Variants in CCDC85A observed in about 807,000 individuals in gnomAD.
CCDC85A encodes the protein coiled-coil domain-containing protein 85A.
In CCDC85A, 38 loss-of-function variants were observed where a neutral mutation model predicts 50.2. The observed-to-expected ratio is 0.76, with a 90% CI of 0.58 to 0.99. The LOEUF (loss-of-function observed/expected upper bound fraction) is 0.99, where lower values mean the gene tolerates loss of function less well. Among genes scored for constraint, CCDC85A ranks in the 50% least tolerant of loss-of-function variants. The pLI, the probability that CCDC85A is intolerant of heterozygous loss-of-function variation, is 0.00. For synonymous variants in CCDC85A, 366 were observed against 301.4 expected (o/e 1.21, Z -2.22); for missense variants, 820 against 742.0 (o/e 1.11, Z -1.22).
At chr2:56,186,331 G>T (rs1438834912) in intron 1 of CCDC85A, among the ~76,000 whole-genome samples, 1 of 152,190 alleles carries the variant, frequency 6.6e-6, no homozygotes, top group Non-Finnish European at 1.5e-5. Context: ...AACCTCATTT[G>T]CCAGGAGGGT....
chr2:56,203,101 A>G (rs918586396), intron 2 of CCDC85A, among the ~76,000 whole-genome samples: 1 of 152,218 alleles, frequency 6.6e-6, no homozygotes, highest in African/African-American at 2.4e-5. Flanking sequence ...TTGGCAGGGC[A>G]GTCCTCTTCA....
At chr2:56,238,815 T>C (rs112903444) in intron 2 of CCDC85A, among the ~76,000 whole-genome samples, 28 of 152,286 alleles carry the variant, frequency 1.8e-4, no homozygotes, top group Non-Finnish European at 2.1e-4. Flanking sequence ...TATGTATGTA[T>C]GTGTTTATTT....
intron 2 of CCDC85A, among the ~76,000 whole-genome samples, chr2:56,307,496 T>C (rs9808384): frequency 0.052 from 7,930 of 152,210 alleles, 678 homozygotes; most frequent in African/African-American, 0.18. Flanking sequence ...AGTAAATGGT[T>C]CTTTTTTGCA....
chr2:56,270,430 A>G (rs1175288551), intron 2 of CCDC85A, among the ~76,000 whole-genome samples: 1 of 152,202 alleles, frequency 6.6e-6, no homozygotes, highest in Non-Finnish European at 1.5e-5. Context: ...ATAATATGCC[A>G]AAGAAAAGCT....
At chr2:56,191,172 C>T (rs1217724871) in intron 1 of CCDC85A, among the ~76,000 whole-genome samples, 1 of 152,192 alleles carries the variant, frequency 6.6e-6, no homozygotes, top group Non-Finnish European at 1.5e-5. Context: ...CAAATGTTTC[C>T]CTTCTCTGTA....
intron 2 of CCDC85A, among the ~76,000 whole-genome samples, chr2:56,313,135 A>G (rs901659718): frequency 6.6e-6 from 1 of 152,118 alleles, no homozygotes; most frequent in Non-Finnish European, 1.5e-5. Context: ...TGTCCTGAAC[A>G]TTCATGGCTG....
intron 5 of CCDC85A, among the ~76,000 whole-genome samples, chr2:56,379,370 T>A (rs1482436001): frequency 6.6e-6 from 1 of 152,184 alleles, no homozygotes; most frequent in Non-Finnish European, 1.5e-5. Context: ...ATTTGGACCA[T>A]TTGGCACATA....
intron 2 of CCDC85A, among the ~76,000 whole-genome samples, chr2:56,230,056 A>T (rs907036250): frequency 6.6e-6 from 1 of 152,146 alleles, no homozygotes; most frequent in Non-Finnish European, 1.5e-5. Flanking sequence ...TGCTGGGCCA[A>T]TTTTGGGCAG....
At chr2:56,316,985 T>G (rs1376686777) in intron 2 of CCDC85A, among the ~76,000 whole-genome samples, 1 of 152,144 alleles carries the variant, frequency 6.6e-6, no homozygotes, top group Non-Finnish European at 1.5e-5. Context: ...ACGATTTTTC[T>G]TCTATTTTCT....
At chr2:56,358,906 T>G (rs1292686078) in intron 3 of CCDC85A, among the ~76,000 whole-genome samples, 1 of 151,584 alleles carries the variant, frequency 6.6e-6, no homozygotes, top group East Asian at 1.9e-4. Context: ...TGCCTCAGCC[T>G]CCCATGTAGC....
At chr2:56,219,064 G>A (rs535642122) in intron 2 of CCDC85A, among the ~76,000 whole-genome samples, 1 of 150,700 alleles carries the variant, frequency 6.6e-6, no homozygotes, top group Admixed American at 6.6e-5. Flanking sequence ...AATGATCATG[G>A]GTATTAGAGA....
chr2:56,274,429 C>T (rs1338316647), intron 2 of CCDC85A, among the ~76,000 whole-genome samples: 1 of 152,160 alleles, frequency 6.6e-6, no homozygotes, highest in Admixed American at 6.6e-5. Flanking sequence ...AGTTCAAAAT[C>T]CACAGGGCAG....
intron 3 of CCDC85A, among the ~76,000 whole-genome samples, chr2:56,343,436 G>A (rs1298081142): frequency 2.6e-5 from 4 of 152,206 alleles, no homozygotes; most frequent in Non-Finnish European, 4.4e-5. Context: ...GTGCAACAAA[G>A]TGATGACAGC....
chr2:56,325,782 G>A (rs896987525), intron 2 of CCDC85A, among the ~76,000 whole-genome samples: 1 of 152,090 alleles, frequency 6.6e-6, no homozygotes, highest in Non-Finnish European at 1.5e-5. Flanking sequence ...CATTGTGAGT[G>A]GCATCTGTAT....
intron 3 of CCDC85A, among the ~76,000 whole-genome samples, chr2:56,343,247 C>T (rs1260632228): frequency 1.3e-5 from 2 of 151,918 alleles, no homozygotes; most frequent in Non-Finnish European, 2.9e-5. Flanking sequence ...AAAGACATGT[C>T]GATAGTACTA....
At chr2:56,274,939 G>A (rs1203905436) in intron 2 of CCDC85A, among the ~76,000 whole-genome samples, 1 of 152,142 alleles carries the variant, frequency 6.6e-6, no homozygotes, top group African/African-American at 2.4e-5. Context: ...CCTTCTTGGT[G>A]TGTGTGGGTT....
At chr2:56,307,514 T>C (rs1401277912) in intron 2 of CCDC85A, among the ~76,000 whole-genome samples, 1 of 152,166 alleles carries the variant, frequency 6.6e-6, no homozygotes, top group Non-Finnish European at 1.5e-5. Context: ...GCATATTGAG[T>C]GACACTGACA....
chr2:56,370,589 A>T (rs1676021631), intron 3 of CCDC85A, among the ~76,000 whole-genome samples: 1 of 152,090 alleles, frequency 6.6e-6, no homozygotes, highest in South Asian at 2.1e-4. Flanking sequence ...ATTTTAAAGG[A>T]ACATTTTATA....
Position 56,184,785 on chromosome 2 carries a change from G to A in CCDC85A, c.161G>A (p.Arg54His), listed in dbSNP as rs959091898. The change falls in exon 1 of 6, where the codon CGC (arginine) becomes CAC (histidine). Residue 54 changes from arginine to histidine, a missense_variant. Transcript: ENST00000407595. Reference sequence around the variant, plus strand: ...CAGTGGAGCAAGGAGGAGCTGATCCGCAGCCTGCGGCGCGCCGAGGCGGAG... The same window carrying A: ...CAGTGGAGCAAGGAGGAGCTGATCCACAGCCTGCGGCGCGCCGAGGCGGAG... ...LLQWSKEELI[R>H]SLRRAEAEKV... The A allele has an allele frequency of 8.4e-6, 13 of 1,546,106 alleles. No individual in the cohort carries two copies. The African/African-American group carries it at 1.5e-4, about 18-fold the overall frequency.
Sources: allele counts gnomAD v4.1 joint callset (sites outside exome capture counted in the v4.1 genomes callset), GRCh38; gene constraint gnomAD v4.1.1; transcripts MANE v1.5; gene names NCBI Gene and HGNC (gene_info 2026-07-23, HGNC 2026-07-21).